Variants in LRRC7 observed in about 807,000 individuals in gnomAD.
LRRC7 encodes leucine-rich repeat-containing protein 7.
In LRRC7, 23 loss-of-function variants were observed where a neutral mutation model predicts 175.7. The observed-to-expected ratio is 0.13, with a 90% CI of 0.09 to 0.19. The LOEUF (loss-of-function observed/expected upper bound fraction) is 0.19, where lower values mean the gene tolerates loss of function less well. Among genes scored for constraint, LRRC7 ranks in the 10% least tolerant of loss-of-function variants. LRRC7 has a pLI of 1.00. For synonymous variants in LRRC7, 685 were observed against 680.9 expected, an observed-to-expected ratio of 1.01 and a Z score of -0.09; for missense variants, 1,354 against 1,904.7, an observed-to-expected ratio of 0.71 and a Z score of 5.38.
At chr1:69,962,760 G>T (rs1651231832) in intron 8 of LRRC7, among the ~76,000 whole-genome samples, 1 of 152,106 alleles carries the variant, frequency 6.6e-6, no homozygotes, top group Non-Finnish European at 1.5e-5. Flanking sequence ...TCACTTATAA[G>T]TGGGAGCTAA....
At chr1:69,924,640 C>T (rs1277297169) in intron 7 of LRRC7, among the ~76,000 whole-genome samples, 1 of 152,124 alleles carries the variant, frequency 6.6e-6, no homozygotes, top group Non-Finnish European at 1.5e-5. Flanking sequence ...GATTTTTGTA[C>T]ATTGATTTTA....
intron 6 of LRRC7, 87 bp from the exon 7 acceptor site, chr1:69,838,140 C>T: frequency 3.7e-6 from 3 of 806,038 alleles, no homozygotes; most frequent in Non-Finnish European, 4.2e-6. Flanking sequence ...CCATAGTAAC[C>T]CTATAGTGCT....
rs1188427170 is a variant in LRRC7 at position 70,137,187 on chromosome 1, G to A, written c.*15300G>A. On this transcript the variant is annotated 3_prime_UTR_variant, in exon 27 of 27. Coordinates refer to ENST00000651989, the MANE Select transcript of LRRC7 (RefSeq NM_001370785.2). Reference sequence around the variant, plus strand: ...TCCTGAATAAATCATATCACGGAGAGATAGTCACAGGTTAGCTAAGCTCCA... The same window carrying A: ...TCCTGAATAAATCATATCACGGAGAAATAGTCACAGGTTAGCTAAGCTCCA... 1.3e-5 allele frequency among the ~76,000 whole-genome samples: 2 copies of A among 152,174 alleles called. No homozygotes were observed. Among genetic ancestry groups the A allele is most frequent in the Non-Finnish European group, 2.9e-5 (2 of 68,030 alleles).
intron 1 of LRRC7, among the ~76,000 whole-genome samples, chr1:69,668,549 T>C (rs1658606903): frequency 1.3e-5 from 2 of 152,238 alleles, no homozygotes; most frequent in African/African-American, 2.4e-5. Flanking sequence ...CTATCATTGA[T>C]TGGCATTTGG....
At chr1:70,052,877 A>G in intron 22 of LRRC7, 149 bp from the exon 23 acceptor site, 2 of 654,728 alleles carry the variant, frequency 3.1e-6, no homozygotes, top group South Asian at 9.9e-5. Context: ...CTTACCCAGT[A>G]AATAGTATAT....
At chr1:69,816,815 C>G (rs1233490973) in intron 4 of LRRC7, among the ~76,000 whole-genome samples, 1 of 152,086 alleles carries the variant, frequency 6.6e-6, no homozygotes. Context: ...CCGCACTCCC[C>G]AGCACCTGGT....
At chr1:70,068,619 T>G (rs1662150708) in intron 23 of LRRC7, among the ~76,000 whole-genome samples, 1 of 152,202 alleles carries the variant, frequency 6.6e-6, no homozygotes, top group Admixed American at 6.5e-5. Context: ...TTGTTTTGTT[T>G]TTTTATTTTT....
At chr1:70,118,075 A>G (rs1281402921) in intron 26 of LRRC7, among the ~76,000 whole-genome samples, 1 of 151,746 alleles carries the variant, frequency 6.6e-6, no homozygotes, top group African/African-American at 2.4e-5. Context: ...ACACACACAC[A>G]CACACACACA....
chr1:70,113,596 T>G (rs1665656253), intron 26 of LRRC7, among the ~76,000 whole-genome samples: 1 of 152,140 alleles, frequency 6.6e-6, no homozygotes, highest in African/African-American at 2.4e-5. Flanking sequence ...AGAAACAAGA[T>G]TTTAAAAGCA....
chr1:69,680,406 T>C (rs1436224363), intron 2 of LRRC7, among the ~76,000 whole-genome samples: 2 of 152,148 alleles, frequency 1.3e-5, no homozygotes, highest in Non-Finnish European at 2.9e-5. Context: ...AGCTACCTAA[T>C]ATGTGCTTAA....
chr1:69,741,405 T>C (rs1266044979), intron 2 of LRRC7, among the ~76,000 whole-genome samples: 1 of 151,616 alleles, frequency 6.6e-6, no homozygotes, highest in Non-Finnish European at 1.5e-5. Flanking sequence ...GTAGGTGACA[T>C]GTAATCTAAG....
At chr1:69,937,473 T>C (rs1422859576) in intron 8 of LRRC7, among the ~76,000 whole-genome samples, 5 of 152,114 alleles carry the variant, frequency 3.3e-5, no homozygotes, top group African/African-American at 9.6e-5. Flanking sequence ...AAAACCACTT[T>C]TGCATTTCTG....
intron 4 of LRRC7, among the ~76,000 whole-genome samples, chr1:69,794,964 G>A (rs1675547204): frequency 6.6e-6 from 1 of 152,118 alleles, no homozygotes. Flanking sequence ...AAAAGATGGC[G>A]AACCACTCTG....
chr1:69,617,479 G>A (rs992051485), intron 1 of LRRC7, among the ~76,000 whole-genome samples: 1 of 133,946 alleles, frequency 7.5e-6, no homozygotes, highest in Admixed American at 8.1e-5. Context: ...TAAGAAGAAT[G>A]TATTAGTAAC....
intron 22 of LRRC7, among the ~76,000 whole-genome samples, chr1:70,049,056 G>C (rs1187024548): frequency 6.6e-6 from 1 of 151,974 alleles, no homozygotes; most frequent in Non-Finnish European, 1.5e-5. Flanking sequence ...GCATACCATA[G>C]CATCCACTGC....
chr1:69,881,771 T>C (rs148141168), intron 7 of LRRC7, among the ~76,000 whole-genome samples: 19 of 151,222 alleles, frequency 1.3e-4, no homozygotes, highest in Middle Eastern at 3.4e-3. Flanking sequence ...TCTCAGCTAC[T>C]TGGGAGGCTG....
chr1:70,007,262 A>AT (rs1656075537), intron 11 of LRRC7, among the ~76,000 whole-genome samples: 1 of 152,182 alleles, frequency 6.6e-6, no homozygotes, highest in Non-Finnish European at 1.5e-5. Flanking sequence ...CACTTTGGCA[A>AT]TTCCAAGGGT....
chr1:69,888,462 G>T (rs149212536), intron 7 of LRRC7, among the ~76,000 whole-genome samples: 15 of 152,096 alleles, frequency 9.9e-5, no homozygotes, highest in Non-Finnish European at 1.6e-4. Context: ...GCAATGCCTC[G>T]CCCTGCTTTG....
At chr1:69,663,323 T>C (rs1340232997) in intron 1 of LRRC7, among the ~76,000 whole-genome samples, 1 of 152,154 alleles carries the variant, frequency 6.6e-6, no homozygotes, top group African/African-American at 2.4e-5. Flanking sequence ...TAAAATTCAA[T>C]ACATTTTTTA....
Sources: gnomAD v4.1 joint callset for allele counts (sites outside exome capture counted in the v4.1 genomes callset) on GRCh38, gnomAD v4.1.1 for gene constraint, MANE v1.5 for transcripts, NCBI Gene and HGNC (gene_info 2026-07-23, HGNC 2026-07-21) for gene names.